The following ITPR1 variants were observed in gnomAD, a reference collection of about 807,000 sequenced individuals.
ITPR1 encodes inositol 1,4,5-trisphosphate receptor type 1, also known as inositol 1,4,5-trisphosphate-gated calcium channel ITPR1.
A neutral mutation model predicts 318.4 loss-of-function variants in ITPR1; 96 were observed. That is an observed-to-expected ratio of 0.30 (90% CI 0.26 to 0.36). ITPR1 has a LOEUF of 0.36. ITPR1 is among the 10% of genes least tolerant of loss of function. The probability of loss-of-function intolerance (pLI) is 1.00; values close to 1 mark genes in which losing one functional copy is unlikely to be tolerated. For missense variants in ITPR1, 2,440 were observed against 3,460.2 expected (o/e 0.71, Z 7.40); for synonymous variants, 1,312 against 1,289.9 (o/e 1.02, Z -0.37).
chr3:4,599,698 G>A (rs971636379), intron 4 of ITPR1, among the ~76,000 whole-genome samples: 1 of 152,224 alleles, frequency 6.6e-6, no homozygotes, highest in African/African-American at 2.4e-5. Flanking sequence ...GTTGCAGCAA[G>A]CCTTCCCCTA....
chr3:4,766,686 A>G lies in ITPR1; in HGVS notation c.5701A>G (p.Arg1901Gly), dbSNP rs979894438. ...TAAAAAGAAAGACGATGAGGTAGAC[A>G]GGGATGCCCCATCACGGAAAAAAGG... ...GNKKKDDEVD[R>G]DAPSRKKAKE... Residue 1901 changes from arginine (R) to glycine (G), a missense_variant, in exon 45 of 62, where the codon AGG (arginine) becomes GGG (glycine). Arg to Gly is a moderately radical substitution (Grantham distance 125). Coordinates refer to ENST00000649015, the MANE Select transcript of ITPR1 (RefSeq NM_001378452.1). The G allele has an allele frequency of 1.9e-6, 3 of 1,606,434 alleles. No individual in the cohort carries two copies. Among genetic ancestry groups the G allele is most frequent in the African/African-American group, 1.3e-5 (1 of 74,620 alleles).
intron 44 of ITPR1, chr3:4,751,393 C>G (rs1350671891): frequency 6.6e-6 from 1 of 152,116 alleles, no homozygotes; most frequent in East Asian, 1.9e-4. Context: ...TGCACCCTGG[C>G]CGGCCTGGTG....
chr3:4,702,806 G>T (rs376953182), intron 35 of ITPR1, 24 bp from the exon 36 acceptor site: 1 of 1,611,086 alleles, frequency 6.2e-7, no homozygotes, highest in Non-Finnish European at 8.5e-7. Context: ...TGTTTTTCAC[G>T]TTGCCTCTTT....
intron 44 of ITPR1, among the ~76,000 whole-genome samples, chr3:4,765,429 C>T (rs746541193): frequency 2.0e-5 from 3 of 152,082 alleles, no homozygotes; most frequent in Non-Finnish European, 2.9e-5. Flanking sequence ...AGTTGCATGT[C>T]GACGATGGAA....
chr3:4,601,418 C>T (rs1317615380), intron 4 of ITPR1, among the ~76,000 whole-genome samples: 1 of 151,072 alleles, frequency 6.6e-6, no homozygotes, highest in Non-Finnish European at 1.5e-5. Context: ...ACTCGGGAGG[C>T]TGAGGTGGGA....
intron 44 of ITPR1, chr3:4,749,648 A>C (rs1240921628): frequency 6.6e-6 from 1 of 152,240 alleles, no homozygotes; most frequent in East Asian, 1.9e-4. Flanking sequence ...GACTCAGCAA[A>C]AGCTTATTGA....
chr3:4,583,846 A>T (rs2089605271), intron 4 of ITPR1, among the ~76,000 whole-genome samples: 3 of 152,280 alleles, frequency 2.0e-5, no homozygotes, highest in Admixed American at 1.3e-4. Flanking sequence ...GCTGGTGGTG[A>T]TGTACCCCTC....
intron 39 of ITPR1, among the ~76,000 whole-genome samples, chr3:4,713,637 A>G (rs1262925426): frequency 1.3e-5 from 2 of 152,222 alleles, no homozygotes; most frequent in African/African-American, 2.4e-5. Context: ...GTCGTAATGC[A>G]TGTTATAAAG....
intron 44 of ITPR1, chr3:4,750,829 C>T (rs1404929700): frequency 6.6e-6 from 1 of 152,364 alleles, no homozygotes; most frequent in African/African-American, 2.4e-5. Context: ...AATATTTTCC[C>T]TCTCCTTCCT....
intron 55 of ITPR1, among the ~76,000 whole-genome samples, chr3:4,809,441 G>A (rs2048794320): frequency 6.6e-6 from 1 of 152,172 alleles, no homozygotes; most frequent in Admixed American, 6.5e-5. Flanking sequence ...AAATGTTCCT[G>A]ATGGCTTGGT....
intron 29 of ITPR1, 135 bp from the exon 30 acceptor site, chr3:4,684,934 C>T: frequency 1.3e-6 from 1 of 787,000 alleles, no homozygotes; most frequent in Non-Finnish European, 2.0e-6. Flanking sequence ...AGAAATGCCA[C>T]ATACTGAAGG....
chr3:4,516,662 C>A, intron 3 of ITPR1, 79 bp downstream of exon 3: 2 of 876,058 alleles, frequency 2.3e-6, no homozygotes, highest in East Asian at 5.2e-5. Flanking sequence ...ATTTTTCTAA[C>A]ATAAGAACGT....
At chr3:4,569,119 C>G (rs2087709626) in intron 4 of ITPR1, among the ~76,000 whole-genome samples, 1 of 152,258 alleles carries the variant, frequency 6.6e-6, no homozygotes, top group South Asian at 2.1e-4. Context: ...GACAAATATC[C>G]AAACTCTATG....
At chr3:4,658,069 G>C in intron 12 of ITPR1, 55 bp from the exon 13 acceptor site, 20 of 1,506,508 alleles carry the variant, frequency 1.3e-5, no homozygotes, top group Non-Finnish European at 1.7e-5. Flanking sequence ...AATAATTGTA[G>C]AAAGTGAAGG....
intron 4 of ITPR1, among the ~76,000 whole-genome samples, chr3:4,585,202 A>G (rs1386413624): frequency 1.3e-5 from 2 of 152,218 alleles, no homozygotes; most frequent in Non-Finnish European, 2.9e-5. Context: ...GCAATATGCT[A>G]GGTATGTTAT....
intron 61 of ITPR1, 141 bp downstream of exon 61, chr3:4,837,076 A>G: frequency 1.6e-6 from 1 of 621,684 alleles, no homozygotes; most frequent in Non-Finnish European, 2.5e-6. Flanking sequence ...GGACAAACCC[A>G]CTCACTCCTC....
At chr3:4,621,145 T>C (rs1353446397) in intron 4 of ITPR1, among the ~76,000 whole-genome samples, 1 of 152,150 alleles carries the variant, frequency 6.6e-6, no homozygotes, top group Non-Finnish European at 1.5e-5. Context: ...ATTAGCGTAA[T>C]GTTGTCGCAC....
At chr3:4,596,396 G>A (rs1391511282) in intron 4 of ITPR1, among the ~76,000 whole-genome samples, 2 of 152,046 alleles carry the variant, frequency 1.3e-5, no homozygotes, top group South Asian at 2.1e-4. Flanking sequence ...GTTCCAAATC[G>A]CAGACTTATT....
chr3:4,827,064 T>C (rs2050126617), intron 60 of ITPR1, among the ~76,000 whole-genome samples: 1 of 152,232 alleles, frequency 6.6e-6, no homozygotes, highest in African/African-American at 2.4e-5. Context: ...TGTATGAGTT[T>C]GTACATGCTT....
Sources: gnomAD v4.1 joint callset for allele counts (sites outside exome capture counted in the v4.1 genomes callset) on GRCh38, gnomAD v4.1.1 for gene constraint, MANE v1.5 for transcripts, NCBI Gene and HGNC (gene_info 2026-07-23, HGNC 2026-07-21) for gene names.